The following DMD variants were observed in gnomAD, a reference collection of about 807,000 sequenced individuals.
DMD encodes the protein dystrophin.
DMD carries 63 observed loss-of-function variants against 330.1 expected under a neutral mutation model. The observed-to-expected ratio is 0.19, with a 90% confidence interval of 0.16 to 0.24. DMD has a LOEUF of 0.24. Among genes scored for constraint, DMD ranks in the 10% least tolerant of loss-of-function variants. The pLI is 1.00. For missense variants in DMD, 3,344 were observed against 2,684.1 expected (o/e 1.25, Z -5.43); for synonymous variants, 1,223 against 959.8 (o/e 1.27, Z -5.07).
intron 57 of DMD, among the ~76,000 whole-genome samples, chrX:31,483,194 C>G (rs1284429651): frequency 9.3e-6 from 1 of 108,050 alleles, no homozygotes; most frequent in Non-Finnish European, 1.9e-5. Context: ...CTACAGGCGC[C>G]CGCCACCACG....
chrX:31,315,877 C>T lies in DMD; in HGVS notation c.9224+7721G>A, dbSNP rs1267678856. ...CAAAAAGTAGGTCCTGTCCACAATG[C>T]TCAGTGAAAAACAGTAGTTGATCAA... is the stretch of plus-strand genomic sequence containing the variant. On this transcript the variant is annotated intron_variant, in intron 62 of 78. Transcript: ENST00000357033. 4.5e-5 allele frequency among the ~76,000 whole-genome samples: 5 copies of T among 112,049 alleles called. No individual in the cohort carries two copies. In the Admixed American group the frequency reaches 4.7e-4, roughly 11 times the overall value.
At chrX:31,640,693 C>A (rs140103742) in intron 54 of DMD, among the ~76,000 whole-genome samples, 3,322 of 112,294 alleles carry the variant, frequency 0.03, 121 homozygotes, top group African/African-American at 0.098. Flanking sequence ...CCCGATAACT[C>A]CATGTCCATG....
intron 1 of DMD, among the ~76,000 whole-genome samples, chrX:33,125,795 G>A (rs370002297): frequency 2.7e-5 from 3 of 111,738 alleles, no homozygotes; most frequent in African/African-American, 9.7e-5. Context: ...GGGAGACTTT[G>A]ATGTATAGTA....
chrX:31,510,612 A>G (rs984530211), intron 55 of DMD, among the ~76,000 whole-genome samples: 2 of 103,232 alleles, frequency 1.9e-5, no homozygotes, highest in African/African-American at 7.2e-5. Context: ...GGTTCACGCC[A>G]TTCTCCTGCC....
intron 9 of DMD, among the ~76,000 whole-genome samples, chrX:32,677,878 T>A (rs188638898): frequency 8.9e-6 from 1 of 111,927 alleles, no homozygotes; most frequent in African/African-American, 3.2e-5. Context: ...GCTGAATGGA[T>A]AAAGAAGATG....
intron 36 of DMD, among the ~76,000 whole-genome samples, chrX:32,364,310 T>C (rs2097847006): frequency 8.9e-6 from 1 of 112,194 alleles, no homozygotes; most frequent in African/African-American, 3.2e-5. Context: ...TGCAATATGA[T>C]TTCAAAATAA....
intron 60 of DMD, among the ~76,000 whole-genome samples, chrX:31,401,403 A>G (rs1049906281): frequency 8.9e-6 from 1 of 112,492 alleles, no homozygotes; most frequent in Non-Finnish European, 1.9e-5. Context: ...AAAAATTTTA[A>G]GAAACAATCA....
intron 54 of DMD, among the ~76,000 whole-genome samples, chrX:31,651,744 G>C (rs1417617381): frequency 9.0e-6 from 1 of 110,894 alleles, no homozygotes; most frequent in Non-Finnish European, 1.9e-5. Context: ...GTTGTGCTCT[G>C]TACCCAAAAT....
At chrX:31,598,162 G>A (rs900255611) in intron 55 of DMD, among the ~76,000 whole-genome samples, 2 of 109,691 alleles carry the variant, frequency 1.8e-5, no homozygotes, top group Non-Finnish European at 1.9e-5. Context: ...CTAGACTGGA[G>A]TACAGTAGCA....
At chrX:32,463,622 C>T (rs1413127262) in intron 24 of DMD, 28 bp from the exon 25 acceptor site, 1 of 1,091,197 alleles carries the variant, frequency 9.2e-7, no homozygotes, top group South Asian at 2.6e-5. Flanking sequence ...TTTAAGCCAG[C>T]TGAAAAAAAT....
chrX:32,230,941 T>C (rs2097166985), intron 43 of DMD, among the ~76,000 whole-genome samples: 1 of 112,294 alleles, frequency 8.9e-6, no homozygotes, highest in African/African-American at 3.2e-5. Flanking sequence ...TGTACACATA[T>C]ATGAATATTT....
intron 4 of DMD, among the ~76,000 whole-genome samples, chrX:32,836,156 C>A (rs11095241): frequency 2.8e-5 from 3 of 107,493 alleles, no homozygotes; most frequent in Admixed American, 2.0e-4. Flanking sequence ...CTCAGCCTCC[C>A]CAGTAGCTGG....
intron 62 of DMD, among the ~76,000 whole-genome samples, chrX:31,311,944 CA>C (rs1233976635): frequency 9.0e-6 from 1 of 111,590 alleles, no homozygotes; most frequent in Non-Finnish European, 1.9e-5. Context: ...ACAGCTTACA[CA>C]AAAATTAACT....
chrX:31,701,587 T>C (rs769248971), intron 52 of DMD, among the ~76,000 whole-genome samples: 1 of 111,885 alleles, frequency 8.9e-6, no homozygotes, highest in African/African-American at 3.2e-5. Context: ...TCAATCTCCG[T>C]CTACAACCAT....
At chrX:32,145,358 A>G (rs1162657865) in intron 44 of DMD, among the ~76,000 whole-genome samples, 4 of 112,149 alleles carry the variant, frequency 3.6e-5, no homozygotes, top group African/African-American at 1.3e-4. Context: ...TTTCACTATA[A>G]TATGCCTGGG....
chrX:31,333,601 C>T (rs1296286954), intron 61 of DMD, among the ~76,000 whole-genome samples: 3 of 109,621 alleles, frequency 2.7e-5, no homozygotes, highest in Non-Finnish European at 3.8e-5. Flanking sequence ...AGGTCGAATT[C>T]TATAACATGA....
At position 32,107,338 on chromosome X, in the gene DMD, A is replaced by ATGTGTG. The variant is rs34502564; in HGVS notation, c.6438+109572_6438+109577dup. ...TGTATACACACACATATATAATTAT[A>ATGTGTG]TGTGTGTGTGTGTGTGTGTGTGTGT... On this transcript the variant is annotated intron_variant, in intron 44 of 78. Transcript: ENST00000357033. Among the ~76,000 whole-genome samples the ATGTGTG allele has an allele frequency of 2.2e-3, 199 of 89,138 alleles. 5 individuals are homozygous for ATGTGTG. The East Asian group carries it at 0.041, about 18-fold the overall frequency. The allele number at this position is 89,138 out of a possible 115,157, so 77.4% of individuals were successfully genotyped here. A position where few individuals can be genotyped will look rare whatever the true frequency, so the allele number is the denominator to read the frequency against.
At chrX:31,501,488 G>A (rs948252221) in intron 56 of DMD, among the ~76,000 whole-genome samples, 6 of 111,975 alleles carry the variant, frequency 5.4e-5, no homozygotes, top group Non-Finnish European at 7.5e-5. Context: ...GGTTACTACC[G>A]TTTAACAAGG....
chrX:33,153,136 GGCGTTGGCTCAC>G (rs1259857701), intron 1 of DMD, among the ~76,000 whole-genome samples: 2 of 112,669 alleles, frequency 1.8e-5, no homozygotes, highest in Non-Finnish European at 3.8e-5. Flanking sequence ...CTAGGCAGGG[GGCGTTGGCTCAC>G]GCCTGTAATC....
Sources: allele counts gnomAD v4.1 joint callset (sites outside exome capture counted in the v4.1 genomes callset), GRCh38; gene constraint gnomAD v4.1.1; transcripts MANE v1.5; gene names NCBI Gene and HGNC (gene_info 2026-07-23, HGNC 2026-07-21).